The following UTRN variants were observed in gnomAD, a reference collection of about 807,000 sequenced individuals.
UTRN encodes utrophin, also known as dystrophin-related protein 1.
In UTRN, 283 loss-of-function variants were observed where a neutral mutation model predicts 463.9. The ratio of observed to expected loss-of-function variants is 0.61; its 90% CI spans 0.55 to 0.67. The LOEUF (loss-of-function observed/expected upper bound fraction) is 0.67, where lower values mean the gene tolerates loss of function less well. Ranked by LOEUF, UTRN falls within the 30% of genes least tolerant of loss-of-function variation. The pLI is 0.00. For missense variants in UTRN, 3,922 were observed against 4,084.3 expected (o/e 0.96, Z 1.08); for synonymous variants, 1,442 against 1,431.5 (o/e 1.01, Z -0.17).
intron 51 of UTRN, among the ~76,000 whole-genome samples, chr6:144,658,198 T>C (rs1779518266): frequency 6.6e-6 from 1 of 152,192 alleles, no homozygotes. Flanking sequence ...CACGTTCTGC[T>C]AGAAAGCTCA....
At chr6:144,318,739 C>T (rs1208849764) in intron 2 of UTRN, among the ~76,000 whole-genome samples, 2 of 152,164 alleles carry the variant, frequency 1.3e-5, no homozygotes, top group African/African-American at 4.8e-5. Context: ...GCTGGGATTA[C>T]AGGCGTGAGC....
chr6:144,815,359 A>G (rs1158394569), intron 65 of UTRN, among the ~76,000 whole-genome samples: 1 of 152,232 alleles, frequency 6.6e-6, no homozygotes, highest in East Asian at 1.9e-4. Context: ...GAGGGTCAGA[A>G]CTAATAGGAT....
chr6:144,514,792 A>G lies in UTRN; in HGVS notation c.5216A>G (p.Lys1739Arg). 1 of 1,613,934 alleles carries G rather than the reference A, an allele frequency of 6.2e-7. No individual in the cohort carries two copies. The highest frequency in any genetic ancestry group is 1.1e-5 in the South Asian group (1 of 91,004). Reference sequence around the variant, plus strand: ...GCTGAGCTGAATAGGAACTTTGAAAAGGTGTCTCAACATATCAAAAGTGCC... The same window carrying G: ...GCTGAGCTGAATAGGAACTTTGAAAGGGTGTCTCAACATATCAAAAGTGCC... ...KLAELNRNFE[K>R]VSQHIKSAKL... The change falls in exon 37 of 75, where the codon AAG becomes AGG. Residue 1739 changes from lysine (K) to arginine (R), a missense_variant. Physicochemically the swap from Lys to Arg is conservative, Grantham distance 26. Around this residue, in one of 3 missense-constraint regions of UTRN, gnomAD observed 2,349 missense variants for 2,303.8 expected, o/e 1.02. Transcript: ENST00000367545.
intron 58 of UTRN, among the ~76,000 whole-genome samples, chr6:144,762,631 T>C (rs1438053004): frequency 6.6e-6 from 1 of 152,202 alleles, no homozygotes; most frequent in Non-Finnish European, 1.5e-5. Context: ...TAGGAAGATG[T>C]CATTCCCACA....
intron 53 of UTRN, among the ~76,000 whole-genome samples, chr6:144,709,620 T>G (rs557015774): frequency 1.3e-5 from 2 of 152,204 alleles, no homozygotes; most frequent in African/African-American, 4.8e-5. Flanking sequence ...TTTGAATTAC[T>G]TTATTTCAAG....
At chr6:144,560,359 G>A (rs1368371229) in intron 50 of UTRN, among the ~76,000 whole-genome samples, 2 of 151,994 alleles carry the variant, frequency 1.3e-5, no homozygotes, top group East Asian at 3.9e-4. Context: ...CTGTAATTCC[G>A]CTTACTGATT....
At chr6:144,627,796 G>GTTT (rs34178832) in intron 51 of UTRN, among the ~76,000 whole-genome samples, 54 of 112,104 alleles carry the variant, frequency 4.8e-4, no homozygotes, top group East Asian at 1.3e-3. Flanking sequence ...TTCCTTCTGT[G>GTTT]TTTTTTTTTT....
intron 2 of UTRN, among the ~76,000 whole-genome samples, chr6:144,338,094 G>C (rs1047461524): frequency 2.6e-5 from 4 of 152,158 alleles, no homozygotes; most frequent in Non-Finnish European, 4.4e-5. Context: ...AAATCACTCA[G>C]CCCATGAAGT....
In UTRN at chr6:144,493,307, T is replaced by C; in HGVS notation, c.4444T>C (p.Tyr1482His). The change falls in exon 33 of 75, where the codon TAT becomes CAT. Residue 1482 changes from tyrosine to histidine, a missense_variant. Physicochemically the swap from Tyr to His is moderately conservative, Grantham distance 83. This residue lies in a region of UTRN where 2,349 missense variants were observed against 2,303.8 expected (regional missense o/e 1.02). Coordinates refer to ENST00000367545, the MANE Select transcript of UTRN (RefSeq NM_007124.3). ...TTCTTTGTTTGTTTTAAAGAAACTG[T>C]ATAAAACTTTGAGTGAAGTCAAACT... Reference protein sequence around the residue: ...QTHLDKCMKLYKTLSEVKLEV... With the variant: ...QTHLDKCMKLHKTLSEVKLEV... 6.2e-7 allele frequency: 1 copy of C among 1,614,110 alleles called. No homozygotes were observed. The highest frequency in any genetic ancestry group is 2.2e-5 in the East Asian group (1 of 44,886).
At chr6:144,786,308 A>G (rs1243831180) in intron 61 of UTRN, among the ~76,000 whole-genome samples, 1 of 152,090 alleles carries the variant, frequency 6.6e-6, no homozygotes, top group Non-Finnish European at 1.5e-5. Context: ...TTTGTTTGAG[A>G]CAGAGTCTCA....
intron 13 of UTRN, among the ~76,000 whole-genome samples, chr6:144,442,127 C>G (rs1339955053): frequency 6.6e-6 from 1 of 152,190 alleles, no homozygotes; most frequent in Admixed American, 6.5e-5. Flanking sequence ...CTCTTTGTTA[C>G]TTATGCAAAT....
At chr6:144,545,233 T>C (rs571286440) in intron 46 of UTRN, among the ~76,000 whole-genome samples, 1 of 152,346 alleles carries the variant, frequency 6.6e-6, no homozygotes, top group African/African-American at 2.4e-5. Flanking sequence ...TAACTCATAA[T>C]CCTGATTTTA....
chr6:144,515,968 C>T (rs76081261), intron 37 of UTRN, among the ~76,000 whole-genome samples: 73 of 152,280 alleles, frequency 4.8e-4, no homozygotes, highest in African/African-American at 1.5e-3. Flanking sequence ...TCCAAATCCA[C>T]GCCACAACAC....
intron 53 of UTRN, among the ~76,000 whole-genome samples, chr6:144,715,297 T>C (rs1786274490): frequency 6.6e-6 from 1 of 152,230 alleles, no homozygotes; most frequent in African/African-American, 2.4e-5. Flanking sequence ...TAGGAAATCC[T>C]GTTGGTTCTC....
chr6:144,610,226 C>T (rs1805348214), intron 51 of UTRN, among the ~76,000 whole-genome samples: 1 of 138,478 alleles, frequency 7.2e-6, no homozygotes, highest in Non-Finnish European at 1.6e-5. Context: ...AAGTAAATAT[C>T]AGAAATGAAA....
chr6:144,312,690 A>C (rs941414281), intron 2 of UTRN, among the ~76,000 whole-genome samples: 4 of 152,098 alleles, frequency 2.6e-5, no homozygotes, highest in African/African-American at 7.2e-5. Context: ...TGTCCTGTGG[A>C]ATTCTTTTAG....
intron 64 of UTRN, among the ~76,000 whole-genome samples, chr6:144,800,871 T>C (rs909682520): frequency 6.6e-6 from 1 of 152,072 alleles, no homozygotes; most frequent in Non-Finnish European, 1.5e-5. Flanking sequence ...AGAGGTATAA[T>C]AAGGGACAGA....
chr6:144,290,375 A>G lies in UTRN; in HGVS notation c.-92-1362A>G, dbSNP rs192420048. Among the ~76,000 whole-genome samples, 583 of 152,310 alleles carry G rather than the reference A, an allele frequency of 3.8e-3. 4 individuals are homozygous for G. The highest frequency in any genetic ancestry group is 0.013 in the African/African-American group (539 of 41,566). ...CTCTCCCAGGTAATTTTGGTTTTCA[A>G]GACGCTGACAGTTTTGAAGAAACCA... On this transcript the variant is annotated intron_variant, in intron 1 of 74. Transcript: ENST00000367545.
At chr6:144,816,387 G>A (rs908257254) in intron 65 of UTRN, among the ~76,000 whole-genome samples, 1 of 152,164 alleles carries the variant, frequency 6.6e-6, no homozygotes, top group Non-Finnish European at 1.5e-5. Flanking sequence ...TGGTAATAAT[G>A]GAGAGGGGAA....
Sources: allele counts gnomAD v4.1 joint callset (sites outside exome capture counted in the v4.1 genomes callset), GRCh38; gene constraint gnomAD v4.1.1; regional missense constraint gnomAD v4.1.1; transcripts MANE v1.5; gene names NCBI Gene and HGNC (gene_info 2026-07-23, HGNC 2026-07-21).